Variants in KRTAP4-16 observed in about 807,000 individuals in gnomAD.
The protein encoded by KRTAP4-16 is keratin-associated protein 4-16.
For missense variants in KRTAP4-16, 378 were observed against 233.5 expected (o/e 1.62, Z -4.03); for synonymous variants, 140 against 88.8 (o/e 1.58, Z -3.24).
exon 1 of KRTAP4-16, chr17:41,102,164 A>C (rs1287798467): frequency 1.4e-6 from 2 of 1,444,452 alleles, no homozygotes; most frequent in Non-Finnish European, 1.9e-6. Context: ...CTGGCAGCAC[A>C]CAGACTGGAA....
exon 1 of KRTAP4-16, chr17:41,101,860 G>T (rs1399741313): frequency 1.2e-6 from 2 of 1,606,770 alleles, no homozygotes; most frequent in Non-Finnish European, 1.7e-6. Flanking sequence ...TTCACAGCAA[G>T]AGGGGCAGCA....
exon 1 of KRTAP4-16, chr17:41,102,019 C>A (rs1431557077): frequency 6.3e-7 from 1 of 1,592,418 alleles, no homozygotes; most frequent in South Asian, 1.1e-5. Context: ...GCTGGGGCGG[C>A]AGCAGGTGGG....
At chr17:41,101,746 TG>T in the KRTAP4-16 span, 2 of 1,307,658 alleles carry the variant, frequency 1.5e-6, no homozygotes, top group Non-Finnish European at 1.0e-6. Context: ...GCACAAGGGG[TG>T]GGGGCAGGTG....
chr17:41,102,127 C>G, exon 1 of KRTAP4-16: 1 of 1,555,398 alleles, frequency 6.4e-7, no homozygotes, highest in East Asian at 2.3e-5. Flanking sequence ...GGTCTGACAA[C>G]AGCTGGGGTG....
chr17:41,101,979 G>A (rs768323942), exon 1 of KRTAP4-16: 1 of 1,603,484 alleles, frequency 6.2e-7, no homozygotes, highest in Non-Finnish European at 8.5e-7. Context: ...GGTGGCAGCA[G>A]GTCGTCCTGC....
chr17:41,101,877 GGA>G, the KRTAP4-16 span: 1 of 1,609,734 alleles, frequency 6.2e-7, no homozygotes, highest in East Asian at 2.2e-5. Flanking sequence ...AGCAGCTGCT[GGA>G]GATGCAGCAG....
exon 1 of KRTAP4-16, chr17:41,101,623 G>A (rs1238322098): frequency 2.0e-6 from 1 of 487,930 alleles, no homozygotes. Context: ...GATTAACACT[G>A]GGGAGAGGAG....
At chr17:41,101,794 C>G in exon 1 of KRTAP4-16, 1 of 1,561,852 alleles carries the variant, frequency 6.4e-7, no homozygotes, top group South Asian at 1.2e-5. Context: ...AGTGACGTGG[C>G]AGGAGACTCG....
chr17:41,101,818 C>T (rs113753849), exon 1 of KRTAP4-16: 50,631 of 1,582,758 alleles, frequency 0.032, 970 homozygotes, highest in South Asian at 0.051. Context: ...ACAGACTGGA[C>T]GCAGGCAGCA....
At position 41,101,982 on chromosome 17, in the gene KRTAP4-16, C is replaced by G. The variant is rs761624868; in HGVS notation, c.228G>C (p.Thr76=). 150 of 1,588,810 alleles carry G rather than the reference C, an allele frequency of 9.4e-5. 2 individuals carry two copies. Among genetic ancestry groups the G allele is most frequent in the Non-Finnish European group, 1.2e-4 (137 of 1,168,176 alleles). ...CACAGCAGCTGGGGTGGCAGCAGGT[C>G]GTCCTGCAGCAGGTGGTCTGACAGC... is the stretch of plus-strand genomic sequence containing the variant. Residue 76 remains threonine, a synonymous_variant, in exon 1 of 1, where the codon ACG becomes ACC. Coordinates refer to ENST00000440582, the Ensembl canonical transcript of KRTAP4-16.
exon 1 of KRTAP4-16, chr17:41,101,970 G>A: frequency 6.2e-7 from 1 of 1,604,252 alleles, no homozygotes; most frequent in Non-Finnish European, 8.5e-7. Flanking sequence ...AGCAGCTGGG[G>A]TGGCAGCAGG....
Position 41,102,059 on chromosome 17 carries a change from G to T in KRTAP4-16, c.151C>A (p.Pro51Thr), listed in dbSNP as rs766395041. 7.1e-5 allele frequency: 113 copies of T among 1,598,096 alleles called. 1 individual carries two copies. The highest frequency in any genetic ancestry group is 1.0e-4 in the Admixed American group (6 of 58,942). ...CAGCACACGGAATGGCAGCACTGGG[G>T]TCTGCAGCAGCTGGACACAGAGCAG... is the stretch of plus-strand genomic sequence containing the variant. Residue 51 changes from proline (P) to threonine (T), a missense_variant, in exon 1 of 1, where the codon CCC becomes ACC. Transcript: ENST00000440582.
chr17:41,101,712 G>GTGGGGA (rs1176717482), exon 1 of KRTAP4-16: 7 of 978,002 alleles, frequency 7.2e-6, no homozygotes, highest in Admixed American at 2.3e-5. Context: ...AAGGGAAGGG[G>GTGGGGA]AGGGGAAGGG....
At position 41,101,659 on chromosome 17, in the gene KRTAP4-16, G is replaced by A. The variant is rs868768341; in HGVS notation, c.551C>T (p.Pro184Leu). ...GGGAGGGGAAGGGCGGGGAGGGGAG[G>A]GGAGGGCAAGGGAAAGGAAGAAAGG... is the stretch of plus-strand genomic sequence containing the variant. Residue 184 changes from proline to leucine, a missense_variant, in exon 1 of 1, where the codon CCC (proline) becomes CTC (leucine). Coordinates refer to ENST00000440582, the Ensembl canonical transcript of KRTAP4-16. 2.9e-5 allele frequency: 16 copies of A among 561,226 alleles called. No individual in the cohort carries two copies. The Middle Eastern group carries it at 1.8e-3, about 63-fold the overall frequency. 34.8% of individuals were successfully genotyped at this position (561,226 alleles called of 1,614,324 possible). A position where few individuals can be genotyped will look rare whatever the true frequency, so the allele number is the denominator to read the frequency against.
chr17:41,101,576 A>AGGGG, the KRTAP4-16 span: 1 of 229,132 alleles, frequency 4.4e-6, no homozygotes, highest in African/African-American at 9.1e-5. Context: ...AGGGGAGGGG[A>AGGGG]AAGTGAAGGG....
chr17:41,102,134 G>A (rs2013999223), exon 1 of KRTAP4-16: 4 of 1,539,868 alleles, frequency 2.6e-6, no homozygotes, highest in South Asian at 1.1e-5. Context: ...CAACAGCTGG[G>A]GTGACAGCAG....
Position 41,102,016 on chromosome 17 carries a change from C to T in KRTAP4-16, c.194G>A (p.Arg65His), listed in dbSNP as rs764328103. 668 of 1,582,832 alleles carry T rather than the reference C, an allele frequency of 4.2e-4. 2 individuals carry two copies. Among genetic ancestry groups the T allele is most frequent in the Non-Finnish European group, 5.2e-4 (611 of 1,170,390 alleles). ...GCAGGTGGTCTGACAGCAGCTGGGG[C>T]GGCAGCAGGTGGGCTGGCAGCACAC... Residue 65 changes from arginine to histidine, a missense_variant, in exon 1 of 1, where the codon CGC (arginine) becomes CAC (histidine). By Grantham distance (29) the Arg-to-His change is conservative (BLOSUM62 0). Transcript: ENST00000440582.
exon 1 of KRTAP4-16, chr17:41,101,767 C>T: frequency 6.6e-7 from 1 of 1,513,044 alleles, no homozygotes; most frequent in Non-Finnish European, 9.0e-7. Context: ...GGAGATGACA[C>T]AGGTTGGGTG....
At chr17:41,102,045 A>G in exon 1 of KRTAP4-16, 1 of 1,602,090 alleles carries the variant, frequency 6.2e-7, no homozygotes. Context: ...AGCACACGGA[A>G]TGGCAGCACT....
Sources: allele counts gnomAD v4.1 joint callset, GRCh38; gene constraint gnomAD v4.1.1; transcripts MANE v1.5; gene names NCBI Gene and HGNC (gene_info 2026-07-23, HGNC 2026-07-21).